Variants in TMEM44 observed in about 807,000 individuals in gnomAD.
TMEM44 encodes transmembrane protein 44.
TMEM44 carries 43 observed loss-of-function variants against 47.8 expected under a neutral mutation model. The observed-to-expected ratio is 0.90, with a 90% CI of 0.70 to 1.16. TMEM44 has a LOEUF of 1.16. Among genes scored for constraint, TMEM44 ranks in the 50% most tolerant of loss-of-function variants. The probability of loss-of-function intolerance (pLI) is 0.00; values close to 1 mark genes in which losing one functional copy is unlikely to be tolerated. For synonymous variants in TMEM44, 277 were observed against 238.8 expected (o/e 1.16, Z -1.48); for missense variants, 568 against 555.2 (o/e 1.02, Z -0.23).
At chr3:194,598,638 G>A (rs1170512462) in intron 9 of TMEM44, among the ~76,000 whole-genome samples, 1 of 152,188 alleles carries the variant, frequency 6.6e-6, no homozygotes, top group African/African-American at 2.4e-5. Context: ...AGTGAGCACC[G>A]CTTTTCTTGT....
At chr3:194,609,951 G>A (rs991423419) in intron 8 of TMEM44, among the ~76,000 whole-genome samples, 17 of 152,096 alleles carry the variant, frequency 1.1e-4, no homozygotes, top group African/African-American at 3.9e-4. Flanking sequence ...AGACACGGCC[G>A]GACGCAGTGG....
At chr3:194,588,943 T>C in intron 9 of TMEM44, 1 of 381,426 alleles carries the variant, frequency 2.6e-6, no homozygotes, top group Non-Finnish European at 4.9e-6. Context: ...CTGAGTCATG[T>C]TCTCCTTATC....
At chr3:194,620,770 GAGGCC>G (rs1369810188) in intron 5 of TMEM44, among the ~76,000 whole-genome samples, 2 of 151,686 alleles carry the variant, frequency 1.3e-5, no homozygotes, top group Non-Finnish European at 2.9e-5. Context: ...TCAAACCTGT[GAGGCC>G]AAACACTCTG....
intron 7 of TMEM44, among the ~76,000 whole-genome samples, chr3:194,615,007 T>G (rs1577198434): frequency 6.6e-6 from 1 of 152,108 alleles, no homozygotes; most frequent in Middle Eastern, 3.4e-3. Flanking sequence ...GAGGCCAAGG[T>G]GGGCAGATCA....
intron 9 of TMEM44, among the ~76,000 whole-genome samples, chr3:194,603,070 A>G (rs1391711534): frequency 6.6e-6 from 1 of 152,216 alleles, no homozygotes. Context: ...GTCTACTGAC[A>G]TACAAGCGGC....
intron 9 of TMEM44, among the ~76,000 whole-genome samples, chr3:194,601,574 AT>A (rs1385767646): frequency 6.6e-6 from 1 of 152,124 alleles, no homozygotes; most frequent in African/African-American, 2.4e-5. Flanking sequence ...AAGTACTGGG[AT>A]TACAGGCGTG....
chr3:194,618,911 C>T (rs1034845167), intron 5 of TMEM44, among the ~76,000 whole-genome samples: 3 of 152,230 alleles, frequency 2.0e-5, no homozygotes, highest in Non-Finnish European at 4.4e-5. Context: ...CACGCTTCTC[C>T]GTGGAGCAGC....
At chr3:194,592,945 T>C in intron 9 of TMEM44, 8 of 1,422,590 alleles carry the variant, frequency 5.6e-6, no homozygotes, top group East Asian at 2.3e-5. Flanking sequence ...GAATTTGTCA[T>C]GGGTCTAGCC....
chr3:194,610,998 G>A lies in TMEM44; in HGVS notation c.935C>T (p.Thr312Ile). 6.2e-7 allele frequency: 1 copy of A among 1,614,070 alleles called. No homozygotes were observed. Among genetic ancestry groups the A allele is most frequent in the Admixed American group, 1.7e-5 (1 of 60,006 alleles). ...CAGTGACTTGCAGTGTGACAGTGTG[G>A]TGAGAGGCACCCAATCCAAATTCTT... The part of the protein sequence containing the change: ...NQENLDWVPL[T>I]TLSHCKSLRT... The change falls in exon 8 of 10, where the codon ACC becomes ATC. Residue 312 changes from threonine (T) to isoleucine (I), a missense_variant. Thr to Ile is a moderately conservative substitution (Grantham distance 89). Coordinates refer to ENST00000347147, the MANE Select transcript of TMEM44 (RefSeq NM_001011655.3).
Position 194,633,065 on chromosome 3 carries a change from C to A in TMEM44, c.137+14G>T, listed in dbSNP as rs1012770075. On this transcript the variant is annotated intron_variant, in intron 1 of 9. Transcript: ENST00000347147. ...TTCCCCGCCCGACAGCCCCCCGACCCGTGGCCCCATTACAGCGCGTGGGCG... is the reference window on the plus strand; with the variant it reads ...TTCCCCGCCCGACAGCCCCCCGACCAGTGGCCCCATTACAGCGCGTGGGCG... The A allele has an allele frequency of 8.0e-7, 1 of 1,255,334 alleles. No homozygotes were observed. Among genetic ancestry groups the A allele is most frequent in the Non-Finnish European group, 1.1e-6 (1 of 938,852 alleles). The allele number at this position is 1,255,334 out of a possible 1,614,324, so 77.8% of individuals were successfully genotyped here. A position where few individuals can be genotyped will look rare whatever the true frequency, so the allele number is the denominator to read the frequency against.
At chr3:194,603,224 A>C (rs1051397031) in intron 9 of TMEM44, among the ~76,000 whole-genome samples, 6 of 152,232 alleles carry the variant, frequency 3.9e-5, no homozygotes, top group African/African-American at 1.4e-4. Context: ...CCAAGCTGTG[A>C]CGTGTGTTTT....
intron 7 of TMEM44, among the ~76,000 whole-genome samples, chr3:194,614,102 A>G (rs990115087): frequency 6.6e-6 from 1 of 152,130 alleles, no homozygotes; most frequent in African/African-American, 2.4e-5. Context: ...AGCCTCGGCA[A>G]CAAGAGCAAA....
At chr3:194,625,175 C>G (rs1717006714) in intron 3 of TMEM44, among the ~76,000 whole-genome samples, 2 of 152,252 alleles carry the variant, frequency 1.3e-5, no homozygotes, top group South Asian at 4.1e-4. Context: ...GCATCCACTT[C>G]CAGTAGCTGT....
At position 194,588,540 on chromosome 3, in the gene TMEM44, C is replaced by T. The variant is rs761267288; in HGVS notation, c.1276G>A (p.Asp426Asn). 1.9e-6 allele frequency: 3 copies of T among 1,614,054 alleles called. 1 individual carries two copies. In the South Asian group the frequency reaches 3.3e-5, roughly 18 times the overall value. Residue 426 changes from aspartate to asparagine, a missense_variant, in exon 10 of 10, where the codon GAT (aspartate) becomes AAT (asparagine). Physicochemically the swap from Asp to Asn is conservative, Grantham distance 23 (BLOSUM62 1). Coordinates refer to ENST00000347147, the MANE Select transcript of TMEM44 (RefSeq NM_001011655.3). ...QDSVRTAHLS[D>N]DD ...GGCTCCAGAAGGTGTTAATCATCAT[C>T]ACTCAGGTGTGCTGTCCTCACAGAG...
chr3:194,631,910 C>T (rs537378411), intron 1 of TMEM44, among the ~76,000 whole-genome samples: 2 of 152,308 alleles, frequency 1.3e-5, no homozygotes, highest in Admixed American at 1.3e-4. Flanking sequence ...TTAACCCCTC[C>T]AAGGTTGGCA....
chr3:194,604,398 G>A lies in TMEM44; in HGVS notation c.1065C>T (p.Ala355=), dbSNP rs373941155. The stretch of plus-strand genomic sequence containing the variant: ...GGGGGTCCTGCAGGGACGCATCTCC[G>A]GCGCTCGTCTGCCCGTCACCTGGCA... ...TRLPGDGQTS[A]GDASLQDPPS... is the part of the protein sequence containing the mutation. The change falls in exon 9 of 10, where the codon GCC becomes GCT. Residue 355 remains alanine (A), a synonymous_variant. Coordinates refer to ENST00000347147, the MANE Select transcript of TMEM44 (RefSeq NM_001011655.3). 1.4e-5 allele frequency: 22 copies of A among 1,542,074 alleles called. No homozygotes were observed. Among genetic ancestry groups the A allele is most frequent in the African/African-American group, 1.1e-4 (8 of 73,046 alleles).
chr3:194,627,763 G>C (rs1296930132), intron 2 of TMEM44, among the ~76,000 whole-genome samples: 1 of 152,106 alleles, frequency 6.6e-6, no homozygotes, highest in East Asian at 1.9e-4. Context: ...AGATTGTCCT[G>C]AGGTCAGGAG....
intron 2 of TMEM44, among the ~76,000 whole-genome samples, chr3:194,626,903 T>A (rs529563622): frequency 6.8e-6 from 1 of 147,868 alleles, no homozygotes; most frequent in Admixed American, 6.9e-5. Flanking sequence ...AATATTATTA[T>A]TGGACTTGAG....
At chr3:194,618,040 C>T (rs1716130648) in intron 5 of TMEM44, among the ~76,000 whole-genome samples, 1 of 152,258 alleles carries the variant, frequency 6.6e-6, no homozygotes, top group East Asian at 1.9e-4. Context: ...CCTGCCAAAC[C>T]GTGAGCCAAT....
Sources: gnomAD v4.1 joint callset for allele counts (sites outside exome capture counted in the v4.1 genomes callset) on GRCh38, gnomAD v4.1.1 for gene constraint, MANE v1.5 for transcripts, NCBI Gene and HGNC (gene_info 2026-07-23, HGNC 2026-07-21) for gene names.